PAX9: variants seen among roughly 807,000 people sequenced by gnomAD.
PAX9 encodes the protein paired box 9, also known as paired box protein Pax-9.
Under a neutral mutation model 29.1 loss-of-function variants are expected in PAX9, and 6 were observed. That is an observed-to-expected ratio of 0.21 (90% confidence interval 0.11 to 0.41). The LOEUF is 0.41. Among genes scored for constraint, PAX9 ranks in the 10% least tolerant of loss-of-function variants. PAX9 has a pLI of 1.00. For synonymous variants in PAX9, 217 were observed against 211.7 expected, an observed-to-expected ratio of 1.03 and a Z score of -0.22; for missense variants, 443 against 479.1, an observed-to-expected ratio of 0.92 and a Z score of 0.70.
intron 3 of PAX9, among the ~76,000 whole-genome samples, chr14:36,669,300 A>G (rs756851606): frequency 6.6e-5 from 10 of 152,212 alleles, no homozygotes; most frequent in Non-Finnish European, 1.3e-4. Flanking sequence ...TTCTCTTACC[A>G]ATATTCAAAG....
Position 36,676,315 on chromosome 14 carries a change from G to A in PAX9, c.889G>A (p.Val297Ile), listed in dbSNP as rs1881886895. The stretch of plus-strand genomic sequence containing the variant: ...CTACAGTGCTGCTCCTTCTGGTTAT[G>A]TTGCTGGACATGGGTGGCAACATGC... ...MTYSAAPSGY[V>I]AGHGWQHAGG... is the part of the protein sequence containing the mutation. Residue 297 changes from valine to isoleucine, a missense_variant, in exon 4 of 4, where the codon GTT becomes ATT. Around this residue, in one of 2 missense-constraint regions of PAX9, gnomAD observed 336 missense variants for 317.2 expected, o/e 1.06. Transcript: ENST00000361487. The A allele has an allele frequency of 5.0e-6, 8 of 1,614,150 alleles. No individual in the cohort carries two copies. The highest frequency in any genetic ancestry group is 1.1e-5 in the South Asian group (1 of 91,084).
rs989233160 is a variant in PAX9 at position 36,678,125 on chromosome 14, T to C, written c.*1673T>C. On this transcript the variant is annotated 3_prime_UTR_variant, in exon 4 of 4. Coordinates refer to ENST00000361487, the MANE Select transcript of PAX9 (RefSeq NM_001372076.1). Reference sequence around the variant, plus strand: ...TGAAGATGGATTCCCTAGGTGATTTTAATTTCTTCCGGTCTGTGCTGTGCA... The same window carrying C: ...TGAAGATGGATTCCCTAGGTGATTTCAATTTCTTCCGGTCTGTGCTGTGCA... 4.9e-5 allele frequency: 11 copies of C among 224,384 alleles called. No individual in the cohort carries two copies. Among genetic ancestry groups the C allele is most frequent in the Non-Finnish European group, 8.7e-5 (10 of 114,520 alleles). The allele number at this position is 224,384 out of a possible 1,614,324, so 13.9% of individuals were successfully genotyped here. A position where few individuals can be genotyped will look rare whatever the true frequency, so the allele number is the denominator to read the frequency against.
intron 3 of PAX9, among the ~76,000 whole-genome samples, chr14:36,669,611 G>C (rs980223628): frequency 4.6e-5 from 7 of 152,060 alleles, no homozygotes; most frequent in Admixed American, 1.3e-4. Flanking sequence ...TTACCAAAGG[G>C]CTAAACTATG....
chr14:36,674,157 G>T (rs369854572), intron 3 of PAX9, among the ~76,000 whole-genome samples: 19 of 152,202 alleles, frequency 1.2e-4, no homozygotes, highest in East Asian at 3.9e-4. Flanking sequence ...GAGCCTTAAA[G>T]TGTGTCTCCT....
In PAX9 at chr14:36,663,181, A is replaced by C. The variant is rs886050492; in HGVS notation, c.289A>C (p.Ile97Leu). The C allele has an allele frequency of 6.2e-7, 1 of 1,614,102 alleles. No individual in the cohort carries two copies. Among genetic ancestry groups the C allele is most frequent in the Non-Finnish European group, 8.5e-7 (1 of 1,180,038 alleles). The change falls in exon 2 of 4, where the codon ATC (isoleucine) becomes CTC (leucine). Residue 97 changes from isoleucine (I) to leucine (L), a missense_variant. Coordinates refer to ENST00000361487, the MANE Select transcript of PAX9 (RefSeq NM_001372076.1). ...IRTYKQRDPG[I>L]FAWEIRDRLL... Reference sequence around the variant, plus strand: ...GACCTACAAGCAGAGAGACCCCGGCATCTTCGCCTGGGAGATCCGGGACCG... The same window carrying C: ...GACCTACAAGCAGAGAGACCCCGGCCTCTTCGCCTGGGAGATCCGGGACCG...
chr14:36,658,291 G>A (rs186671024), upstream of PAX9, among the ~76,000 whole-genome samples: 189 of 151,778 alleles, frequency 1.2e-3, 1 homozygote, highest in African/African-American at 4.2e-3. Context: ...TCCCAGTCCC[G>A]GACCTCGGAC....
chr14:36,664,721 T>C lies in PAX9; in HGVS notation c.631+1198T>C, dbSNP rs558560053. On this transcript the variant is annotated intron_variant, in intron 2 of 3. Transcript: ENST00000361487. ...TTAAAAGTGTAGAGGAAAAATTAAA[T>C]AGGAAAGGGGGAAATAGTTTCTTTA... is the stretch of plus-strand genomic sequence containing the variant. Among the ~76,000 whole-genome samples the C allele has an allele frequency of 2.0e-5, 3 of 152,286 alleles. No individual in the cohort carries two copies. The South Asian group carries it at 6.2e-4, about 32-fold the overall frequency.
chr14:36,662,137 AGG>A, intron 1 of PAX9, 44 bp downstream of exon 1: 1 of 233,998 alleles, frequency 4.3e-6, no homozygotes, highest in Admixed American at 6.7e-5. Flanking sequence ...GAAGGGAGGG[AGG>A]GAGCGAGCGG....
intron 3 of PAX9, 50 bp from the exon 4 acceptor site, chr14:36,676,148 G>A (rs748954643): frequency 9.4e-6 from 15 of 1,597,278 alleles, no homozygotes; most frequent in African/African-American, 1.3e-5. Flanking sequence ...CGTGTGAAAT[G>A]TTCACTCCTA....
upstream of PAX9, among the ~76,000 whole-genome samples, chr14:36,660,705 A>C (rs747749128): frequency 3.4e-4 from 51 of 152,220 alleles, no homozygotes; most frequent in South Asian, 6.2e-4. Flanking sequence ...AACAGAGTTC[A>C]CGACCCCAAG....
chr14:36,662,901 A>G lies in PAX9; in HGVS notation c.9A>G (p.Pro3=). ...CGCTGTGTGTTCATTTTGCAGAGCCAGCCTTCGGGGAGGTGAACCAGCTGG... is the reference window on the plus strand; with the variant it reads ...CGCTGTGTGTTCATTTTGCAGAGCCGGCCTTCGGGGAGGTGAACCAGCTGG... ME[P]AFGEVNQLGG... Residue 3 remains proline, a synonymous_variant, in exon 2 of 4, where the codon CCA becomes CCG. Transcript: ENST00000361487. 1 of 1,611,200 alleles carries G rather than the reference A, an allele frequency of 6.2e-7. No homozygotes were observed. The highest frequency in any genetic ancestry group is 8.5e-7 in the Non-Finnish European group (1 of 1,178,414).
intron 3 of PAX9, among the ~76,000 whole-genome samples, chr14:36,668,434 G>T (rs1321129535): frequency 1.3e-5 from 2 of 152,096 alleles, no homozygotes; most frequent in African/African-American, 4.8e-5. Context: ...CTGTCGCCAG[G>T]TTGGAGTGCA....
intron 2 of PAX9, among the ~76,000 whole-genome samples, chr14:36,664,573 T>G (rs1321699871): frequency 6.6e-6 from 1 of 151,734 alleles, no homozygotes; most frequent in Non-Finnish European, 1.5e-5. Flanking sequence ...ACTGAGTTTT[T>G]TTTTTTTTTT....
chr14:36,662,027 G>T lies in PAX9; in HGVS notation c.-63G>T, dbSNP rs1256593074. 2.6e-6 allele frequency: 4 copies of T among 1,553,218 alleles called. No homozygotes were observed. The highest frequency in any genetic ancestry group is 2.4e-5 in the East Asian group (1 of 41,270). On this transcript the variant is annotated 5_prime_UTR_variant, in exon 1 of 4. Coordinates refer to ENST00000361487, the MANE Select transcript of PAX9 (RefSeq NM_001372076.1). ...TAGCAACAGGCCGGGCCACTGAGGCGGTGCGGAAAGTTTCTGTCTGGGAGT... is the reference window on the plus strand; with the variant it reads ...TAGCAACAGGCCGGGCCACTGAGGCTGTGCGGAAAGTTTCTGTCTGGGAGT...
chr14:36,664,255 G>A (rs775470454), intron 2 of PAX9, among the ~76,000 whole-genome samples: 1 of 152,202 alleles, frequency 6.6e-6, no homozygotes, highest in Admixed American at 6.5e-5. Context: ...AGGAAGGGAA[G>A]TGGCATCAGC....
At chr14:36,673,356 A>G (rs1159849931) in intron 3 of PAX9, among the ~76,000 whole-genome samples, 1 of 152,228 alleles carries the variant, frequency 6.6e-6, no homozygotes, top group Admixed American at 6.5e-5. Context: ...GAAGTTGGAC[A>G]AACATGGAAA....
chr14:36,666,952 G>A (rs951198864), intron 3 of PAX9, among the ~76,000 whole-genome samples: 1 of 152,182 alleles, frequency 6.6e-6, no homozygotes, highest in African/African-American at 2.4e-5. Flanking sequence ...TCTCGTTGGG[G>A]GTAGAGTTAA....
Position 36,664,568 on chromosome 14 carries a change from G to GTTTTT in PAX9, c.631+1058_631+1062dup, listed in dbSNP as rs34440866. On this transcript the variant is annotated intron_variant, in intron 2 of 3. Coordinates refer to ENST00000361487, the MANE Select transcript of PAX9 (RefSeq NM_001372076.1). ...ACCTGAGTTTGTTTTCTTTTACTGAGTTTTTTTTTTTTTTTTTAAGGCGTT... is the reference window on the plus strand; with the variant it reads ...ACCTGAGTTTGTTTTCTTTTACTGAGTTTTTTTTTTTTTTTTTTTTTTAAGGCGTT... Among the ~76,000 whole-genome samples the GTTTTT allele has an allele frequency of 1.3e-3, 188 of 142,016 alleles. 2 individuals are homozygous for GTTTTT. The highest frequency in any genetic ancestry group is 4.7e-3 in the African/African-American group (180 of 38,286). The allele number at this position is 142,016 out of a possible 152,430, so 93.2% of individuals were successfully genotyped here.
chr14:36,670,962 T>G, intron 3 of PAX9: 8 of 334,216 alleles, frequency 2.4e-5, no homozygotes, highest in Middle Eastern at 1.0e-3. Context: ...AGGTATGTTT[T>G]ACTAGGTCAT....
Sources: allele counts gnomAD v4.1 joint callset (sites outside exome capture counted in the v4.1 genomes callset), GRCh38; gene constraint gnomAD v4.1.1; regional missense constraint gnomAD v4.1.1; transcripts MANE v1.5; gene names NCBI Gene and HGNC (gene_info 2026-07-23, HGNC 2026-07-21).